NCOA5: variants seen among roughly 807,000 people sequenced by gnomAD.
The protein encoded by NCOA5 is NCoA-5.
Under a neutral mutation model 59.0 loss-of-function variants are expected in NCOA5, and 12 were observed. That is an observed-to-expected ratio of 0.20 (90% CI 0.13 to 0.33). NCOA5 has a LOEUF of 0.33. Ranked by LOEUF, NCOA5 falls within the 10% of genes least tolerant of loss-of-function variation. The pLI is 1.00. For missense variants in NCOA5, 655 were observed against 766.6 expected, an observed-to-expected ratio of 0.85 and a Z score of 1.72; for synonymous variants, 270 against 275.5, an observed-to-expected ratio of 0.98 and a Z score of 0.20.
rs546614012 is a variant in NCOA5 at position 46,070,305 on chromosome 20, A to G, written c.270T>C (p.Phe90=). The G allele has an allele frequency of 3.7e-6, 6 of 1,613,872 alleles. No individual in the cohort carries two copies. The highest frequency in any genetic ancestry group is 2.2e-5 in the East Asian group (1 of 44,870). ...DVRDVRDLRD[F]RDLRDSRDFR... ...AATCCCTAGAGTCTCTTAGATCACG[A>G]AAGTCTCTAAGATCCCTCACGTCCC... Residue 90 remains phenylalanine (F), a synonymous_variant, in exon 3 of 8, where the codon TTT becomes TTC. Transcript: ENST00000290231.
chr20:46,073,917 A>G (rs915827107), intron 2 of NCOA5, among the ~76,000 whole-genome samples: 1 of 152,212 alleles, frequency 6.6e-6, no homozygotes, highest in Admixed American at 6.5e-5. Flanking sequence ...TTTCCCTCAA[A>G]TAATTTGAAG....
chr20:46,074,179 C>T (rs990779937), intron 2 of NCOA5, among the ~76,000 whole-genome samples: 1 of 152,130 alleles, frequency 6.6e-6, no homozygotes, highest in Non-Finnish European at 1.5e-5. Context: ...AGGACCCAAA[C>T]AAAGAACTCC....
chr20:46,076,761 T>C (rs569509731), intron 2 of NCOA5, among the ~76,000 whole-genome samples: 1 of 152,232 alleles, frequency 6.6e-6, no homozygotes, highest in South Asian at 2.1e-4. Flanking sequence ...GGAATTTGAA[T>C]TAGCCTAGCT....
intron 6 of NCOA5, among the ~76,000 whole-genome samples, chr20:46,064,133 T>C (rs148039720): frequency 2.6e-5 from 4 of 152,272 alleles, no homozygotes; most frequent in African/African-American, 9.6e-5. Flanking sequence ...TCAAAAGTCA[T>C]AGATTAAGAT....
At chr20:46,074,561 G>A (rs1026641238) in intron 2 of NCOA5, among the ~76,000 whole-genome samples, 2 of 152,160 alleles carry the variant, frequency 1.3e-5, no homozygotes, top group African/African-American at 4.8e-5. Flanking sequence ...TTCAGGAGGG[G>A]GAAAAAGGCA....
chr20:46,066,981 T>G lies in NCOA5; in HGVS notation c.629+74A>C, dbSNP rs1010432647. ...GAATACACAGCTCAGATTCAGTGGATAGAGGTGCTAAACAGGAGCCTGAAT... is the reference window on the plus strand; with the variant it reads ...GAATACACAGCTCAGATTCAGTGGAGAGAGGTGCTAAACAGGAGCCTGAAT... On this transcript the variant is annotated intron_variant, in intron 5 of 7. Coordinates refer to ENST00000290231, the MANE Select transcript of NCOA5 (RefSeq NM_020967.3). 6.5e-6 allele frequency: 10 copies of G among 1,528,586 alleles called. No individual in the cohort carries two copies. In the Admixed American group the frequency reaches 1.1e-4, roughly 17 times the overall value. The allele number at this position is 1,528,586 out of a possible 1,614,324, so 94.7% of individuals were successfully genotyped here.
intron 2 of NCOA5, among the ~76,000 whole-genome samples, chr20:46,073,835 G>A (rs978600482): frequency 1.3e-5 from 2 of 152,170 alleles, no homozygotes; most frequent in African/African-American, 4.8e-5. Flanking sequence ...GTCCATCCCT[G>A]CAAGTTGACT....
intron 5 of NCOA5, 135 bp downstream of exon 5, chr20:46,066,920 T>C: frequency 9.5e-7 from 1 of 1,056,562 alleles, no homozygotes; most frequent in South Asian, 1.9e-5. Flanking sequence ...CACCTATAAC[T>C]GAAAGAACCC....
chr20:46,080,437 C>T (rs915762497), intron 1 of NCOA5, among the ~76,000 whole-genome samples: 14 of 152,132 alleles, frequency 9.2e-5, no homozygotes, highest in South Asian at 2.1e-4. Flanking sequence ...CCCCTTTTTC[C>T]GTATTAAACA....
At chr20:46,071,089 T>C (rs1247967757) in intron 2 of NCOA5, among the ~76,000 whole-genome samples, 2 of 151,464 alleles carry the variant, frequency 1.3e-5, no homozygotes, top group African/African-American at 4.9e-5. Flanking sequence ...TATTGGTATC[T>C]CTCAATCTGA....
At position 46,070,211 on chromosome 20, in the gene NCOA5, T is replaced by C. The variant is rs370685064; in HGVS notation, c.364A>G (p.Arg122Gly). 4 of 1,605,040 alleles carry C rather than the reference T, an allele frequency of 2.5e-6. No individual in the cohort carries two copies. Among genetic ancestry groups the C allele is most frequent in the Non-Finnish European group, 3.4e-6 (4 of 1,172,004 alleles). Residue 122 changes from arginine (R) to glycine (G), a missense_variant and splice_region_variant, in exon 3 of 8, where the codon AGG (arginine) becomes GGG (glycine). Arg to Gly is a moderately radical substitution (Grantham distance 125). Transcript: ENST00000290231. ...CAAGCAGAGTAACTACGTATGTACCTGTACATAGGATCTCGGGAGTCTCTC... is the reference window on the plus strand; with the variant it reads ...CAAGCAGAGTAACTACGTATGTACCCGTACATAGGATCTCGGGAGTCTCTC... Reference protein sequence around the residue: ...DMRDSRDPMYRREGSYDRYLR... With the variant: ...DMRDSRDPMYGREGSYDRYLR...
intron 2 of NCOA5, among the ~76,000 whole-genome samples, chr20:46,076,455 A>G (rs1467928740): frequency 6.6e-6 from 1 of 152,216 alleles, no homozygotes; most frequent in Non-Finnish European, 1.5e-5. Context: ...GAGATAAAGT[A>G]TGATCAGGAC....
At chr20:46,087,647 T>C (rs1298126868) in intron 1 of NCOA5, among the ~76,000 whole-genome samples, 1 of 152,122 alleles carries the variant, frequency 6.6e-6, no homozygotes, top group African/African-American at 2.4e-5. Context: ...TAATCCCAGC[T>C]ACTTAGGAGA....
intron 2 of NCOA5, among the ~76,000 whole-genome samples, chr20:46,073,939 C>G (rs2084910222): frequency 6.6e-6 from 1 of 152,086 alleles, no homozygotes; most frequent in African/African-American, 2.4e-5. Context: ...CCATGTGCAA[C>G]AAAACTACTA....
At chr20:46,066,240 G>C (rs967262370) in intron 5 of NCOA5, among the ~76,000 whole-genome samples, 1 of 152,176 alleles carries the variant, frequency 6.6e-6, no homozygotes, top group Non-Finnish European at 1.5e-5. Flanking sequence ...CTGCTTCTCT[G>C]CTCTGCCTCT....
chr20:46,082,564 A>C (rs749186745), intron 1 of NCOA5, among the ~76,000 whole-genome samples: 5 of 152,214 alleles, frequency 3.3e-5, no homozygotes, highest in Non-Finnish European at 7.3e-5. Context: ...ACTGCCCTTA[A>C]GACCAAAAGT....
At chr20:46,072,346 G>A (rs2084891363) in intron 2 of NCOA5, among the ~76,000 whole-genome samples, 1 of 152,132 alleles carries the variant, frequency 6.6e-6, no homozygotes. Context: ...TTATAGGGAT[G>A]AGATCTCACC....
chr20:46,088,755 G>A (rs1239636324), intron 1 of NCOA5, among the ~76,000 whole-genome samples: 1 of 152,208 alleles, frequency 6.6e-6, no homozygotes, highest in Admixed American at 6.5e-5. Flanking sequence ...CATAGAATCT[G>A]CTTTGCCTCA....
At chr20:46,079,271 T>C (rs1307161721) in intron 2 of NCOA5, 116 bp downstream of exon 2, 1 of 957,048 alleles carries the variant, frequency 1.0e-6, no homozygotes, top group East Asian at 2.4e-5. Flanking sequence ...GTTCTTATTG[T>C]TTGCTTGAGC....
Sources: allele counts gnomAD v4.1 joint callset (sites outside exome capture counted in the v4.1 genomes callset), GRCh38; gene constraint gnomAD v4.1.1; transcripts MANE v1.5; gene names NCBI Gene and HGNC (gene_info 2026-07-23, HGNC 2026-07-21).